The following GAN variants were observed in gnomAD, a reference collection of about 807,000 sequenced individuals.
GAN encodes the protein gigaxonin.
GAN carries 48 observed loss-of-function variants against 71.3 expected under a neutral mutation model. The ratio of observed to expected loss-of-function variants is 0.67; its 90% CI spans 0.53 to 0.86. The LOEUF is 0.86. GAN is among the 40% of genes least tolerant of loss of function. The pLI, the probability that GAN is intolerant of heterozygous loss-of-function variation, is 0.00. For missense variants in GAN, 928 were observed against 770.1 expected (o/e 1.21, Z -2.43); for synonymous variants, 386 against 276.8 (o/e 1.39, Z -3.92).
intron 1 of GAN, among the ~76,000 whole-genome samples, chr16:81,344,508 T>C (rs1910051405): frequency 6.6e-6 from 1 of 152,030 alleles, no homozygotes; most frequent in South Asian, 2.1e-4. Flanking sequence ...ACACAAGCAA[T>C]GGGGAAAGAT....
Position 81,354,241 on chromosome 16 carries a change from GAA to G in GAN, c.283-150_283-149del, listed in dbSNP as rs5818329. ...TTATGTTGGTGCCTTCCAACTCTTG[GAA>G]AAAAAAAAAAAAATGCTGGGTTAAA... On this transcript the variant is annotated intron_variant, in intron 2 of 10. Coordinates refer to ENST00000648994, the MANE Select transcript of GAN (RefSeq NM_022041.4). 6.0e-3 allele frequency among the ~76,000 whole-genome samples: 862 copies of G among 144,786 alleles called. 9 individuals are homozygous for G. The highest frequency in any genetic ancestry group is 0.018 in the African/African-American group (708 of 39,714). 95.0% of individuals were successfully genotyped at this position (144,786 alleles called of 152,430 possible). A position where few individuals can be genotyped will look rare whatever the true frequency, so the allele number is the denominator to read the frequency against.
intron 1 of GAN, among the ~76,000 whole-genome samples, chr16:81,338,822 C>G (rs1484007748): frequency 2.0e-5 from 3 of 152,168 alleles, no homozygotes; most frequent in African/African-American, 4.8e-5. Context: ...GCTTACAGTC[C>G]AAGACTGGAA....
intron 1 of GAN, among the ~76,000 whole-genome samples, chr16:81,341,220 G>T (rs993635098): frequency 6.6e-6 from 1 of 152,140 alleles, no homozygotes. Flanking sequence ...AAAACACTCT[G>T]CAGGATATTA....
At position 81,357,832 on chromosome 16, in the gene GAN, A is replaced by G; in HGVS notation, c.874A>G (p.Met292Val). 6.2e-7 allele frequency: 1 copy of G among 1,613,312 alleles called. No homozygotes were observed. The highest frequency in any genetic ancestry group is 8.5e-7 in the Non-Finnish European group (1 of 1,179,204). The change falls in exon 5 of 11, where the codon ATG (methionine) becomes GTG (valine). Residue 292 changes from methionine to valine, a missense_variant. By Grantham distance (21) the Met-to-Val change is conservative. Coordinates refer to ENST00000648994, the MANE Select transcript of GAN (RefSeq NM_022041.4). ...TAGTTCACGGAAACCCACAGCAGCGATGCGATGCATGTGCCCTCTCTATGA... is the reference window on the plus strand; with the variant it reads ...TAGTTCACGGAAACCCACAGCAGCGGTGCGATGCATGTGCCCTCTCTATGA... The part of the protein sequence containing the change: ...ERVSRKPTAA[M>V]RCMCPLYDPN...
In GAN at chr16:81,356,862, T is replaced by C. The variant is rs1910503361; in HGVS notation, c.711T>C (p.Asn237=). The C allele has an allele frequency of 6.2e-7, 1 of 1,613,830 alleles. No individual in the cohort carries two copies. The highest frequency in any genetic ancestry group is 2.2e-5 in the East Asian group (1 of 44,880). ...GTTATTTACGGGAACAGATGCTGAA[T>C]GAACCATTAGTACGAGAAATTGTCA... The part of the protein sequence containing the change: ...DSSYLREQML[N]EPLVREIVKE... Residue 237 remains asparagine (N), a synonymous_variant, in exon 4 of 11, where the codon AAT becomes AAC. Transcript: ENST00000648994.
At position 81,381,479 on chromosome 16, in the gene GAN, G is replaced by A. The variant is rs1904304573; in HGVS notation, c.*3883G>A. 6.6e-6 allele frequency: 1 copy of A among 152,224 alleles called. No homozygotes were observed. Among genetic ancestry groups the A allele is most frequent in the African/African-American group, 2.4e-5 (1 of 41,448 alleles). 9.4% of individuals were successfully genotyped at this position (152,224 alleles called of 1,614,324 possible). ...AAAGGTGAGGCGGCCCTTTTCCACT[G>A]GCTGCTCACTGAGCACTGGAGTCCA... On this transcript the variant is annotated 3_prime_UTR_variant, in exon 11 of 11. Coordinates refer to ENST00000648994, the MANE Select transcript of GAN (RefSeq NM_022041.4).
At chr16:81,315,783 G>T (rs1368415843) in intron 1 of GAN, among the ~76,000 whole-genome samples, 3 of 152,260 alleles carry the variant, frequency 2.0e-5, no homozygotes, top group Non-Finnish European at 4.4e-5. Context: ...CCAACCAGGC[G>T]GGGAGCGCCC....
chr16:81,376,499 G>A (rs955962447), intron 9 of GAN, among the ~76,000 whole-genome samples: 15 of 145,166 alleles, frequency 1.0e-4, no homozygotes, highest in African/African-American at 3.8e-4. Flanking sequence ...GTGTGTGTGT[G>A]TGTGTGTGTG....
chr16:81,347,938 T>G (rs1281461601), intron 1 of GAN, among the ~76,000 whole-genome samples: 1 of 152,152 alleles, frequency 6.6e-6, no homozygotes, highest in African/African-American at 2.4e-5. Flanking sequence ...ACATTACTTT[T>G]TTTCAGGTGT....
chr16:81,320,949 T>C (rs1909203785), intron 1 of GAN, among the ~76,000 whole-genome samples: 1 of 152,202 alleles, frequency 6.6e-6, no homozygotes, highest in Admixed American at 6.5e-5. Context: ...ATCACAACCT[T>C]GTTTGATTAA....
chr16:81,356,750 T>C (rs747455755), intron 3 of GAN, 35 bp from the exon 4 acceptor site: 2 of 1,386,186 alleles, frequency 1.4e-6, no homozygotes, highest in Non-Finnish European at 2.1e-6. Context: ...GCATTTTCCA[T>C]TGTTTTCGCC....
chr16:81,330,862 C>T (rs1166379968), intron 1 of GAN, among the ~76,000 whole-genome samples: 2 of 152,172 alleles, frequency 1.3e-5, no homozygotes, highest in African/African-American at 4.8e-5. Context: ...CTGCCTGATA[C>T]GATATTTCCG....
chr16:81,344,922 C>T (rs1033332401), intron 1 of GAN, among the ~76,000 whole-genome samples: 2 of 152,018 alleles, frequency 1.3e-5, no homozygotes, highest in African/African-American at 4.8e-5. Context: ...AGCAAACAAC[C>T]CCATCGAAAA....
chr16:81,323,448 T>A (rs1458514791), intron 1 of GAN, among the ~76,000 whole-genome samples: 1 of 152,236 alleles, frequency 6.6e-6, no homozygotes, highest in African/African-American at 2.4e-5. Context: ...ATGAAAATAT[T>A]CACTGTCATA....
chr16:81,353,928 C>G (rs999976046), intron 2 of GAN, among the ~76,000 whole-genome samples: 2 of 152,160 alleles, frequency 1.3e-5, no homozygotes, highest in East Asian at 1.9e-4. Flanking sequence ...ACTGGAAACC[C>G]CTCTCCCTTC....
intron 1 of GAN, among the ~76,000 whole-genome samples, chr16:81,334,383 G>A (rs1482514536): frequency 1.3e-5 from 2 of 152,186 alleles, no homozygotes; most frequent in African/African-American, 4.8e-5. Flanking sequence ...TTGGTGGGAT[G>A]AAGACACCTG....
intron 1 of GAN, among the ~76,000 whole-genome samples, chr16:81,344,762 C>A (rs183830117): frequency 6.6e-6 from 1 of 152,034 alleles, no homozygotes; most frequent in Non-Finnish European, 1.5e-5. Context: ...CAAATGGGAT[C>A]TAATTAAAGA....
intron 1 of GAN, among the ~76,000 whole-genome samples, chr16:81,344,793 A>G (rs1910061434): frequency 6.6e-6 from 1 of 152,242 alleles, no homozygotes; most frequent in Non-Finnish European, 1.5e-5. Flanking sequence ...AGCAAAAGAA[A>G]CTACCCTCAG....
At chr16:81,326,678 C>T (rs907497682) in intron 1 of GAN, among the ~76,000 whole-genome samples, 3 of 152,202 alleles carry the variant, frequency 2.0e-5, no homozygotes, top group Non-Finnish European at 2.9e-5. Context: ...AGGGCATAAC[C>T]TACTACCCAC....
Sources: allele counts gnomAD v4.1 joint callset (sites outside exome capture counted in the v4.1 genomes callset), GRCh38; gene constraint gnomAD v4.1.1; transcripts MANE v1.5; gene names NCBI Gene and HGNC (gene_info 2026-07-23, HGNC 2026-07-21).